PRKAR1A: variants seen among roughly 807,000 people sequenced by gnomAD.
PRKAR1A encodes protein kinase cAMP-dependent type I regulatory subunit alpha, also known as cAMP-dependent protein kinase type I-alpha regulatory subunit.
A neutral mutation model predicts 52.0 loss-of-function variants in PRKAR1A; 3 were observed. The observed-to-expected ratio is 0.06, with a 90% CI of 0.03 to 0.15. The LOEUF (loss-of-function observed/expected upper bound fraction) is 0.15. Among genes scored for constraint, PRKAR1A ranks in the 10% least tolerant of loss-of-function variants. The pLI, the probability that PRKAR1A is intolerant of heterozygous loss-of-function variation, is 1.00. For missense variants in PRKAR1A, 240 were observed against 477.4 expected (o/e 0.50, Z 4.63); for synonymous variants, 188 against 168.4 (o/e 1.12, Z -0.90).
rs1022466221 is a variant in PRKAR1A, at chr17:68,531,685, C to G, written c.*1236C>G. On this transcript the variant is annotated 3_prime_UTR_variant, in exon 11 of 11. Coordinates refer to ENST00000589228, the MANE Select transcript of PRKAR1A (RefSeq NM_002734.5). ...CTGAAAGTCCTGCTTTCCTATCTAG[C>G]ATTTATTTCTCTGGCAAACTTTTCT... 1.9e-6 allele frequency: 2 copies of G among 1,065,012 alleles called. No homozygotes were observed. The highest frequency in any genetic ancestry group is 3.3e-5 in the African/African-American group (2 of 61,070). The allele number at this position is 1,065,012 out of a possible 1,614,324, so 66.0% of individuals were successfully genotyped here. A position where few individuals can be genotyped will look rare whatever the true frequency, so the allele number is the denominator to read the frequency against.
the PRKAR1A span, among the ~76,000 whole-genome samples, chr17:68,456,606 C>T: frequency 5.3e-5 from 8 of 152,354 alleles, no homozygotes; most frequent in African/African-American, 1.9e-4. Context: ...CGAAGTAAAA[C>T]ATTAAAAATC....
At chr17:68,437,012 A>ATGTGTGTG in the PRKAR1A span, among the ~76,000 whole-genome samples, 41 of 82,072 alleles carry the variant, frequency 5.0e-4, no homozygotes, top group African/African-American at 1.8e-3. Context: ...AAAAATATAT[A>ATGTGTGTG]TATATGTGTG....
chr17:68,430,598 A>G, the PRKAR1A span, among the ~76,000 whole-genome samples: 3 of 152,198 alleles, frequency 2.0e-5, no homozygotes, highest in Admixed American at 2.0e-4. Context: ...AGTGGGTAGC[A>G]AACCTCCGGG....
downstream of PRKAR1A, among the ~76,000 whole-genome samples, chr17:68,534,015 G>A (rs1398761077): frequency 2.6e-5 from 4 of 152,172 alleles, no homozygotes; most frequent in Admixed American, 2.6e-4. Flanking sequence ...GTGAGCCAGC[G>A]TGCCCGTCTC....
chr17:68,478,468 C>A, the PRKAR1A span, among the ~76,000 whole-genome samples: 5 of 152,162 alleles, frequency 3.3e-5, no homozygotes, highest in South Asian at 1.0e-3. Context: ...ACAACAACAA[C>A]AACAAAAAAC....
the PRKAR1A span, among the ~76,000 whole-genome samples, chr17:68,499,721 G>A: frequency 5.9e-5 from 9 of 152,248 alleles, no homozygotes; most frequent in Admixed American, 1.3e-4. Context: ...TGGTCCTCTA[G>A]AGTTAAGATT....
the PRKAR1A span, among the ~76,000 whole-genome samples, chr17:68,442,009 A>G: frequency 1.3e-5 from 2 of 152,196 alleles, no homozygotes; most frequent in Non-Finnish European, 2.9e-5. Context: ...TTCTTGAGAT[A>G]AAATCGATTC....
At chr17:68,472,481 G>A in the PRKAR1A span, among the ~76,000 whole-genome samples, 12 of 152,148 alleles carry the variant, frequency 7.9e-5, no homozygotes, top group Non-Finnish European at 1.6e-4. Flanking sequence ...AAATGGAAAC[G>A]TAGGGTTTCC....
the PRKAR1A span, among the ~76,000 whole-genome samples, chr17:68,497,904 G>A: frequency 6.6e-6 from 1 of 152,168 alleles, no homozygotes. Flanking sequence ...CAACAAGGCA[G>A]AGAAATAATT....
At chr17:68,515,262 C>T in intron 1 of PRKAR1A, 132 bp from the exon 2 acceptor site, 1 of 949,114 alleles carries the variant, frequency 1.1e-6, no homozygotes. Context: ...CCCCACTTCC[C>T]TGTTTAAAAA....
At chr17:68,466,308 C>G in the PRKAR1A span, among the ~76,000 whole-genome samples, 2 of 151,988 alleles carry the variant, frequency 1.3e-5, no homozygotes, top group Non-Finnish European at 2.9e-5. Context: ...TGCCTAATTG[C>G]TGCCACCTGC....
At chr17:68,525,320 AC>A (rs2143314256) in intron 6 of PRKAR1A, among the ~76,000 whole-genome samples, 1 of 149,800 alleles carries the variant, frequency 6.7e-6, no homozygotes, top group South Asian at 2.2e-4. Flanking sequence ...AAGATTCTAG[AC>A]CCAGCCATTA....
chr17:68,460,322 G>C, the PRKAR1A span, among the ~76,000 whole-genome samples: 2 of 152,172 alleles, frequency 1.3e-5, no homozygotes, highest in African/African-American at 4.8e-5. Flanking sequence ...AGAGGGAAGA[G>C]TCAAAGCTGA....
chr17:68,524,864 T>G (rs746793913), intron 5 of PRKAR1A, 48 bp from the exon 6 acceptor site: 30 of 1,420,422 alleles, frequency 2.1e-5, no homozygotes, highest in African/African-American at 2.8e-5. Flanking sequence ...TTTGATAATT[T>G]CTTTCTTTAA....
chr17:68,478,271 G>A, the PRKAR1A span, among the ~76,000 whole-genome samples: 2 of 152,116 alleles, frequency 1.3e-5, no homozygotes, highest in Non-Finnish European at 2.9e-5. Flanking sequence ...GGCCAACATG[G>A]TGAAACCTTG....
At chr17:68,459,267 C>G in the PRKAR1A span, among the ~76,000 whole-genome samples, 1 of 152,200 alleles carries the variant, frequency 6.6e-6, no homozygotes, top group Non-Finnish European at 1.5e-5. Flanking sequence ...CTGTCAAATG[C>G]TGCAGTCATT....
chr17:68,540,933 C>G (rs751908610), intron 11 of PRKAR1A: 14 of 1,597,370 alleles, frequency 8.8e-6, no homozygotes, highest in Non-Finnish European at 1.2e-5. Context: ...TTCACTGTGT[C>G]ACAGTAAAGG....
intron 11 of PRKAR1A, among the ~76,000 whole-genome samples, chr17:68,550,369 CTTTTTT>C (rs747654899): frequency 1.3e-5 from 1 of 79,390 alleles, no homozygotes; most frequent in African/African-American, 5.3e-5. Context: ...AATGGGGGAA[CTTTTTT>C]TTTTTTTTTT....
At chr17:68,475,408 C>T in the PRKAR1A span, among the ~76,000 whole-genome samples, 1 of 152,176 alleles carries the variant, frequency 6.6e-6, no homozygotes, top group African/African-American at 2.4e-5. Flanking sequence ...TAACATGAAA[C>T]AATTCCTCTC....
Sources: gnomAD v4.1 joint callset for allele counts (sites outside exome capture counted in the v4.1 genomes callset) on GRCh38, gnomAD v4.1.1 for gene constraint, MANE v1.5 for transcripts, NCBI Gene and HGNC (gene_info 2026-07-23, HGNC 2026-07-21) for gene names.